Variants in TAFA2 observed in about 807,000 individuals in gnomAD.
The protein encoded by TAFA2 is TAFA chemokine like family member 2, also known as chemokine-like protein TAFA-2.
Under a neutral mutation model 18.8 loss-of-function variants are expected in TAFA2, and 7 were observed. The ratio of observed to expected loss-of-function variants is 0.37; its 90% confidence interval spans 0.21 to 0.70. TAFA2 has a LOEUF of 0.70. TAFA2 is among the 30% of genes least tolerant of loss of function. TAFA2 has a pLI of 0.53. For synonymous variants in TAFA2, 60 were observed against 54.2 expected, an observed-to-expected ratio of 1.11 and a Z score of -0.47; for missense variants, 122 against 158.1, an observed-to-expected ratio of 0.77 and a Z score of 1.23.
intron 1 of TAFA2, among the ~76,000 whole-genome samples, chr12:62,062,500 C>T (rs920201324): frequency 6.6e-6 from 1 of 152,154 alleles, no homozygotes; most frequent in South Asian, 2.1e-4. Context: ...TGGCCTCTTT[C>T]CACTCTGAGG....
chr12:62,074,698 ATTTTTTTTTTTT>A (rs67195424), intron 1 of TAFA2, among the ~76,000 whole-genome samples: 2 of 137,656 alleles, frequency 1.5e-5, no homozygotes, highest in Non-Finnish European at 1.6e-5. Flanking sequence ...AACTACATGA[ATTTTTTTTTTTT>A]TTTTTTTTTG....
At chr12:62,178,373 G>A (rs191060078) in intron 1 of TAFA2, among the ~76,000 whole-genome samples, 1 of 152,250 alleles carries the variant, frequency 6.6e-6, no homozygotes, top group Non-Finnish European at 1.5e-5. Flanking sequence ...AAAGGTCACC[G>A]TTTATGTTAT....
chr12:61,966,789 A>G (rs1879082785), intron 1 of TAFA2, among the ~76,000 whole-genome samples: 1 of 151,934 alleles, frequency 6.6e-6, no homozygotes, highest in South Asian at 2.1e-4. Flanking sequence ...ACTTGCAGCT[A>G]TGCTAATACA....
At chr12:61,890,100 T>G (rs1019968878) in intron 1 of TAFA2, among the ~76,000 whole-genome samples, 4 of 152,240 alleles carry the variant, frequency 2.6e-5, no homozygotes, top group African/African-American at 9.6e-5. Flanking sequence ...ACCATGAGCA[T>G]TACATTATTC....
chr12:62,215,948 G>T lies in TAFA2; in HGVS notation c.-130+42815C>A, dbSNP rs184178210. On this transcript the variant is annotated intron_variant, in intron 1 of 5. Transcript: ENST00000551619. ...GACCAGTGGGTTTTGCCCATCAAAA[G>T]ATGGGGTTTCTAGAGACCCTGTATC... is the stretch of plus-strand genomic sequence containing the variant. 2.0e-5 allele frequency among the ~76,000 whole-genome samples: 3 copies of T among 152,172 alleles called. No homozygotes were observed. The East Asian group carries it at 5.8e-4, about 29-fold the overall frequency.
intron 1 of TAFA2, among the ~76,000 whole-genome samples, chr12:61,998,645 A>C (rs1211656875): frequency 6.6e-6 from 1 of 152,242 alleles, no homozygotes; most frequent in East Asian, 1.9e-4. Context: ...TCACAGCTGG[A>C]AGCCAGAATT....
At chr12:62,076,128 A>G (rs1056088126) in intron 1 of TAFA2, among the ~76,000 whole-genome samples, 4 of 152,164 alleles carry the variant, frequency 2.6e-5, no homozygotes, top group Non-Finnish European at 5.9e-5. Context: ...GTACTTTTCA[A>G]AAGGGAAGTG....
At chr12:62,186,223 T>G (rs1345265395) in intron 1 of TAFA2, among the ~76,000 whole-genome samples, 1 of 152,170 alleles carries the variant, frequency 6.6e-6, no homozygotes, top group African/African-American at 2.4e-5. Flanking sequence ...CACTGAAAAT[T>G]GAAAGGTTCA....
At chr12:61,834,005 G>A (rs540396325) in intron 2 of TAFA2, among the ~76,000 whole-genome samples, 86 of 152,026 alleles carry the variant, frequency 5.7e-4, no homozygotes, top group African/African-American at 2.0e-3. Context: ...TCTAAACAAA[G>A]GATAGAATCA....
At chr12:62,043,012 G>T (rs189043909) in intron 1 of TAFA2, among the ~76,000 whole-genome samples, 19 of 152,244 alleles carry the variant, frequency 1.2e-4, no homozygotes, top group South Asian at 1.2e-3. Flanking sequence ...GGGGGATAGA[G>T]ATGTCAGCCA....
At chr12:62,011,541 T>G (rs1412276692) in intron 1 of TAFA2, among the ~76,000 whole-genome samples, 4 of 152,074 alleles carry the variant, frequency 2.6e-5, no homozygotes, top group Non-Finnish European at 4.4e-5. Context: ...AACAGATGCT[T>G]GAAGGCAGCA....
intron 1 of TAFA2, among the ~76,000 whole-genome samples, chr12:62,208,028 G>GA (rs2062699349): frequency 6.6e-6 from 1 of 152,058 alleles, no homozygotes; most frequent in African/African-American, 2.4e-5. Context: ...GGGCAATCTT[G>GA]GTCTCATTCC....
At chr12:62,197,476 T>C (rs1211875984), upstream of TAFA2, among the ~76,000 whole-genome samples, 2 of 152,222 alleles carry the variant, frequency 1.3e-5, no homozygotes, top group Non-Finnish European at 2.9e-5. Context: ...TGATATACAA[T>C]CAACTGCATG....
intron 1 of TAFA2, among the ~76,000 whole-genome samples, chr12:62,238,828 C>T (rs972075456): frequency 7.2e-5 from 11 of 152,142 alleles, no homozygotes; most frequent in Non-Finnish European, 1.0e-4. Context: ...TATATGGATA[C>T]GTAGGTATGT....
intron 1 of TAFA2, among the ~76,000 whole-genome samples, chr12:61,867,684 C>G (rs755904947): frequency 2.0e-5 from 3 of 152,078 alleles, no homozygotes; most frequent in Non-Finnish European, 4.4e-5. Flanking sequence ...CAGCCTAAAT[C>G]AGTTTGGAAA....
intron 1 of TAFA2, among the ~76,000 whole-genome samples, chr12:62,121,755 G>C (rs920314994): frequency 6.6e-6 from 1 of 152,190 alleles, no homozygotes; most frequent in Non-Finnish European, 1.5e-5. Flanking sequence ...AGGTTCAGGA[G>C]ATAGGACAGT....
intron 1 of TAFA2, among the ~76,000 whole-genome samples, chr12:62,141,557 G>C (rs1175176330): frequency 6.6e-6 from 1 of 152,094 alleles, no homozygotes. Context: ...CATTTTGACT[G>C]CTATTTCAGT....
intron 1 of TAFA2, among the ~76,000 whole-genome samples, chr12:61,972,305 TA>T (rs35399389): frequency 0.95 from 136,725 of 143,830 alleles, 65,041 homozygotes; most frequent in South Asian, 0.98. Context: ...AGTTGAACCT[TA>T]AAAAAAAAAA....
intron 2 of TAFA2, among the ~76,000 whole-genome samples, chr12:61,779,319 C>T (rs1870406062): frequency 6.6e-6 from 1 of 151,556 alleles, no homozygotes; most frequent in Non-Finnish European, 1.5e-5. Context: ...GGAGAAACAC[C>T]CACACTATGC....
Sources: gnomAD v4.1 joint callset for allele counts (sites outside exome capture counted in the v4.1 genomes callset) on GRCh38, gnomAD v4.1.1 for gene constraint, MANE v1.5 for transcripts, NCBI Gene and HGNC (gene_info 2026-07-23, HGNC 2026-07-21) for gene names.